SLC7A8: variants seen among roughly 807,000 people sequenced by gnomAD.
SLC7A8 encodes the protein large neutral amino acids transporter small subunit 2.
Under a neutral mutation model 51.2 loss-of-function variants are expected in SLC7A8, and 30 were observed. The observed-to-expected ratio is 0.59, with a 90% CI of 0.44 to 0.80. The LOEUF (loss-of-function observed/expected upper bound fraction) is 0.80. Ranked by LOEUF, SLC7A8 falls within the 30% of genes least tolerant of loss-of-function variation. The pLI is 0.00. For missense variants in SLC7A8, 612 were observed against 674.4 expected (o/e 0.91, Z 1.03); for synonymous variants, 257 against 275.8 (o/e 0.93, Z 0.67).
chr14:23,127,683 A>C (rs2048591162), intron 10 of SLC7A8, among the ~76,000 whole-genome samples: 1 of 152,164 alleles, frequency 6.6e-6, no homozygotes, highest in South Asian at 2.1e-4. Flanking sequence ...GAGTCTTGCT[A>C]TGTCGACCAG....
intron 3 of SLC7A8, among the ~76,000 whole-genome samples, chr14:23,155,850 C>T (rs1054440548): frequency 2.0e-5 from 3 of 151,682 alleles, no homozygotes; most frequent in African/African-American, 7.3e-5. Flanking sequence ...TTAGTTGGTT[C>T]TTGGACCAGA....
Position 23,138,930 on chromosome 14 carries a change from T to C in SLC7A8, c.912+494A>G, listed in dbSNP as rs368666006. Among the ~76,000 whole-genome samples the C allele has an allele frequency of 2.6e-5, 4 of 152,292 alleles. No individual in the cohort carries two copies. In the East Asian group the frequency reaches 5.8e-4, roughly 22 times the overall value. ...GAGCAAGGTGCCTCCCAGGTCCTTC[T>C]TAGATGTGAAGGATCCCAACCCCTT... On this transcript the variant is annotated intron_variant, in intron 6 of 10. Coordinates refer to ENST00000316902, the MANE Select transcript of SLC7A8 (RefSeq NM_012244.4).
At chr14:23,143,861 T>C (rs1270274469) in intron 3 of SLC7A8, among the ~76,000 whole-genome samples, 3 of 152,220 alleles carry the variant, frequency 2.0e-5, no homozygotes, top group South Asian at 2.1e-4. Flanking sequence ...TCTGTCCCTA[T>C]AGCTTTGTCT....
chr14:23,172,590 C>T (rs553866862), intron 1 of SLC7A8, among the ~76,000 whole-genome samples: 1 of 152,296 alleles, frequency 6.6e-6, no homozygotes, highest in South Asian at 2.1e-4. Flanking sequence ...CATTCCCGGC[C>T]CAACTGGGGA....
chr14:23,163,984 C>T (rs1417077303), intron 3 of SLC7A8, among the ~76,000 whole-genome samples: 1 of 150,304 alleles, frequency 6.7e-6, no homozygotes, highest in Non-Finnish European at 1.5e-5. Flanking sequence ...TTTTTAGAGA[C>T]AGGATCTCAC....
At chr14:23,138,112 C>T (rs2048708279) in intron 6 of SLC7A8, 88 bp from the exon 7 acceptor site, 10 of 1,468,478 alleles carry the variant, frequency 6.8e-6, no homozygotes, top group African/African-American at 1.4e-5. Context: ...AACCGTTTCT[C>T]CTATCTCCAC....
Position 23,182,865 on chromosome 14 carries a change from C to T in SLC7A8, c.50G>A (p.Gly17Asp). 3 of 1,614,174 alleles carry T rather than the reference C, an allele frequency of 1.9e-6. No individual in the cohort carries two copies. Among genetic ancestry groups the T allele is most frequent in the Non-Finnish European group, 2.5e-6 (3 of 1,180,018 alleles). Residue 17 changes from glycine to aspartate, a missense_variant, in exon 1 of 11, where the codon GGT becomes GAT. Coordinates refer to ENST00000316902, the MANE Select transcript of SLC7A8 (RefSeq NM_012244.4). The stretch of plus-strand genomic sequence containing the variant: ...GGGGCTGGCGTCCGACTCGCCCCCA[C>T]CTGGGTGTTTCTTTTCGGTGTTGTT... ...HRNNTEKKHP[G>D]GGESDASPEA...
intron 1 of SLC7A8, among the ~76,000 whole-genome samples, chr14:23,176,205 T>C (rs900083636): frequency 2.0e-5 from 3 of 152,262 alleles, no homozygotes; most frequent in Non-Finnish European, 4.4e-5. Flanking sequence ...TAAAGTGGTA[T>C]AGACCACATG....
At chr14:23,172,775 T>G (rs2048981275) in intron 1 of SLC7A8, among the ~76,000 whole-genome samples, 1 of 152,194 alleles carries the variant, frequency 6.6e-6, no homozygotes, top group African/African-American at 2.4e-5. Context: ...CTGCTAAACA[T>G]CCTACAATAG....
At chr14:23,135,710 A>T (rs1015210261) in intron 7 of SLC7A8, among the ~76,000 whole-genome samples, 2 of 151,914 alleles carry the variant, frequency 1.3e-5, no homozygotes, top group South Asian at 4.2e-4. Context: ...TTAAAAAAAA[A>T]AGAAAAATTT....
Position 23,174,526 on chromosome 14 carries a change from A to G in SLC7A8, c.152-7986T>C, listed in dbSNP as rs573075167. Among the ~76,000 whole-genome samples, 3 of 152,394 alleles carry G rather than the reference A, an allele frequency of 2.0e-5. No homozygotes were observed. The South Asian group carries it at 6.2e-4, about 32-fold the overall frequency. ...AAAGATGAGGGATGAGATGTGATCAATAGAGCTTTTCAGCTCAAACTTCAC... is the reference window on the plus strand; with the variant it reads ...AAAGATGAGGGATGAGATGTGATCAGTAGAGCTTTTCAGCTCAAACTTCAC... On this transcript the variant is annotated intron_variant, in intron 1 of 10. Transcript: ENST00000316902.
intron 4 of SLC7A8, among the ~76,000 whole-genome samples, chr14:23,141,911 CAT>C (rs1216773927): frequency 6.6e-6 from 1 of 152,134 alleles, no homozygotes; most frequent in Non-Finnish European, 1.5e-5. Flanking sequence ...AGTAACTGAT[CAT>C]ATGTTACTTA....
intron 3 of SLC7A8, among the ~76,000 whole-genome samples, chr14:23,159,632 A>C (rs547648100): frequency 7.2e-5 from 11 of 152,336 alleles, no homozygotes; most frequent in African/African-American, 2.6e-4. Flanking sequence ...GATAGGAAAG[A>C]CTATTGAATG....
rs2048581381 is a variant in SLC7A8 at position 23,126,847 on chromosome 14, G to A, written c.*330C>T. ...CCTCCCTGGGAGGGAAGGCAGTAAT[G>A]AGCTCCGGTTCCTGAAGAGGCAGCT... is the stretch of plus-strand genomic sequence containing the variant. On this transcript the variant is annotated 3_prime_UTR_variant, in exon 11 of 11. Coordinates refer to ENST00000316902, the MANE Select transcript of SLC7A8 (RefSeq NM_012244.4). 2.7e-6 allele frequency: 1 copy of A among 364,200 alleles called. No individual in the cohort carries two copies. Among genetic ancestry groups the A allele is most frequent in the Non-Finnish European group, 5.2e-6 (1 of 193,978 alleles). 22.6% of individuals were successfully genotyped at this position (364,200 alleles called of 1,614,324 possible). A position where few individuals can be genotyped will look rare whatever the true frequency, so the allele number is the denominator to read the frequency against.
chr14:23,143,085 A>T lies in SLC7A8; in HGVS notation c.628T>A (p.Cys210Ser), dbSNP rs1271371451. The change falls in exon 4 of 11, where the codon TGC (cysteine) becomes AGC (serine). Residue 210 changes from cysteine to serine, a missense_variant. Physicochemically the swap from Cys to Ser is moderately radical, Grantham distance 112. Transcript: ENST00000316902. The part of the protein sequence containing the change: ...LIIIMGIVQI[C>S]KGEYFWLEPK... ...TTTTTCCTGCGATACTCACCTTTGCATATCTGTACAATCCCCATGATGATA... is the reference window on the plus strand; with the variant it reads ...TTTTTCCTGCGATACTCACCTTTGCTTATCTGTACAATCCCCATGATGATA... 1.9e-6 allele frequency: 3 copies of T among 1,614,066 alleles called. No homozygotes were observed.
chr14:23,182,859 C>T lies in SLC7A8; in HGVS notation c.56G>A (p.Gly19Asp), dbSNP rs1056999218. The T allele has an allele frequency of 2.5e-6, 4 of 1,614,094 alleles. No individual in the cohort carries two copies. The highest frequency in any genetic ancestry group is 3.4e-6 in the Non-Finnish European group (4 of 1,180,000). ...AGCCTCGGGGCTGGCGTCCGACTCG[C>T]CCCCACCTGGGTGTTTCTTTTCGGT... is the stretch of plus-strand genomic sequence containing the variant. ...NNTEKKHPGG[G>D]ESDASPEAGS... Residue 19 changes from glycine to aspartate, a missense_variant, in exon 1 of 11, where the codon GGC (glycine) becomes GAC (aspartate). Transcript: ENST00000316902.
chr14:23,179,718 A>T (rs1438885317), intron 1 of SLC7A8, among the ~76,000 whole-genome samples: 1 of 152,112 alleles, frequency 6.6e-6, no homozygotes, highest in Non-Finnish European at 1.5e-5. Flanking sequence ...CTGAGGTGGA[A>T]GGATCGCTTG....
At chr14:23,160,713 G>C (rs536708134) in intron 3 of SLC7A8, among the ~76,000 whole-genome samples, 1 of 152,268 alleles carries the variant, frequency 6.6e-6, no homozygotes, top group African/African-American at 2.4e-5. Flanking sequence ...CTGATGATAA[G>C]GGCGGCTATC....
chr14:23,160,153 T>C (rs1187362850), intron 3 of SLC7A8, among the ~76,000 whole-genome samples: 2 of 152,164 alleles, frequency 1.3e-5, no homozygotes, highest in African/African-American at 4.8e-5. Flanking sequence ...GTTGCACAGA[T>C]GCACAGATGG....
Sources: allele counts gnomAD v4.1 joint callset (sites outside exome capture counted in the v4.1 genomes callset), GRCh38; gene constraint gnomAD v4.1.1; transcripts MANE v1.5; gene names NCBI Gene and HGNC (gene_info 2026-07-23, HGNC 2026-07-21).